Variants in IL15RA observed in about 807,000 individuals in gnomAD.
IL15RA encodes the protein interleukin-15 receptor subunit alpha.
IL15RA carries 26 observed loss-of-function variants against 24.2 expected under a neutral mutation model. That is an observed-to-expected ratio of 1.07 (90% CI 0.79 to 1.49). IL15RA has a LOEUF of 1.49. IL15RA is among the 40% of genes most tolerant of loss of function. IL15RA has a pLI of 0.00. For synonymous variants in IL15RA, 166 were observed against 157.6 expected (o/e 1.05, Z -0.40); for missense variants, 354 against 356.4 (o/e 0.99, Z 0.05).
chr10:5,972,676 CCATT>C (rs1475135868), intron 1 of IL15RA, among the ~76,000 whole-genome samples: 5 of 152,148 alleles, frequency 3.3e-5, no homozygotes, highest in African/African-American at 1.2e-4. Flanking sequence ...GACATCTTCC[CCATT>C]CAATGACAAC....
At position 5,955,760 on chromosome 10, in the gene IL15RA, C is replaced by T. The variant is rs1486286232; in HGVS notation, c.692+619G>A. Reference sequence around the variant, plus strand: ...AAGGCATACCCCTATTCAATGAGGACTTTCAAGAATATATTCATGAGGGTA... The same window carrying T: ...AAGGCATACCCCTATTCAATGAGGATTTTCAAGAATATATTCATGAGGGTA... On this transcript the variant is annotated intron_variant, in intron 6 of 6. Transcript: ENST00000379977. The surrounding 1 kb of genome is among the most constrained non-coding windows in gnomAD (Gnocchi z 5.3). Among the ~76,000 whole-genome samples the T allele has an allele frequency of 1.3e-5, 2 of 152,166 alleles. No individual in the cohort carries two copies. The highest frequency in any genetic ancestry group is 1.3e-4 in the Admixed American group (2 of 15,276).
Position 5,977,476 on chromosome 10 carries a change from G to C in IL15RA, c.17C>G (p.Ala6Gly). Residue 6 changes from alanine to glycine, a missense_variant, in exon 1 of 7, where the codon GCG becomes GGG. By Grantham distance (60) the Ala-to-Gly change is moderately conservative. Coordinates refer to ENST00000379977, the MANE Select transcript of IL15RA (RefSeq NM_002189.4). ...GAGACCGAGGGTCCGGCAGCCGCGC[G>C]CCCGCCGCGGGGCCATGGCGGCAGC... MAPRR[A>G]RGCRTLGLPA... The C allele has an allele frequency of 7.4e-7, 1 of 1,356,078 alleles. No homozygotes were observed. The highest frequency in any genetic ancestry group is 9.5e-7 in the Non-Finnish European group (1 of 1,056,202). The allele number at this position is 1,356,078 out of a possible 1,614,324, so 84.0% of individuals were successfully genotyped here.
rs920728721 is a variant in IL15RA at position 5,966,865 on chromosome 10, G to C, written c.89-526C>G. 2.6e-5 allele frequency among the ~76,000 whole-genome samples: 4 copies of C among 152,048 alleles called. No homozygotes were observed. The highest frequency in any genetic ancestry group is 5.9e-5 in the Non-Finnish European group (4 of 68,010). ...CAGGCGCCTGTAATCCCAGCTACTG[G>C]GGAGGCTGAGGCAGGAGAATTGCTT... On this transcript the variant is annotated intron_variant, in intron 1 of 6. Coordinates refer to ENST00000379977, the MANE Select transcript of IL15RA (RefSeq NM_002189.4). This position sits in a 1 kb window ranked among gnomAD's most constrained non-coding sequence, Gnocchi z 6.4.
chr10:5,974,062 C>T (rs1158823233), intron 1 of IL15RA, among the ~76,000 whole-genome samples: 14 of 151,984 alleles, frequency 9.2e-5, no homozygotes, highest in South Asian at 2.1e-4. Flanking sequence ...TGCAGTGGCG[C>T]GATCTCTGCT....
intron 1 of IL15RA, among the ~76,000 whole-genome samples, chr10:5,972,080 C>T (rs1015689033): frequency 9.9e-5 from 15 of 152,210 alleles, no homozygotes; most frequent in African/African-American, 3.4e-4. Flanking sequence ...CCCACCAGAA[C>T]GATTTCAAAA....
chr10:5,951,884 T>C (rs1443793057), downstream of IL15RA, among the ~76,000 whole-genome samples: 1 of 152,172 alleles, frequency 6.6e-6, no homozygotes, highest in Admixed American at 6.5e-5. Context: ...GTTCTTGAAC[T>C]CCTGGGCTCG....
In IL15RA at chr10:5,955,962, G is replaced by A. The variant is rs8177721; in HGVS notation, c.692+417C>T. Among the ~76,000 whole-genome samples the A allele has an allele frequency of 3.1e-4, 47 of 152,272 alleles. No individual in the cohort carries two copies. Among genetic ancestry groups the A allele is most frequent in the African/African-American group, 9.9e-4 (41 of 41,556 alleles). On this transcript the variant is annotated intron_variant, in intron 6 of 6. Transcript: ENST00000379977. The surrounding 1 kb of genome is among the most constrained non-coding windows in gnomAD (Gnocchi z 5.3). ...GGGGTGTGTGAGAGCCGATGGCCAG[G>A]AAAGGCGTCCTTCTTGGGAGGGGGC...
rs1028358415 is a variant in IL15RA at position 5,967,689 on chromosome 10, G to C, written c.89-1350C>G. 1.3e-5 allele frequency among the ~76,000 whole-genome samples: 2 copies of C among 152,196 alleles called. No individual in the cohort carries two copies. The highest frequency in any genetic ancestry group is 2.9e-5 in the Non-Finnish European group (2 of 68,030). On this transcript the variant is annotated intron_variant, in intron 1 of 6. Transcript: ENST00000379977. This position sits in a 1 kb window ranked among gnomAD's most constrained non-coding sequence, Gnocchi z 4.4. ...CAATGGACACAGCTCAGCTCTGTTG[G>C]AAGTGACAGGTGTTGTTTAGTTACA...
intron 5 of IL15RA, among the ~76,000 whole-genome samples, chr10:5,957,593 C>T (rs990446591): frequency 6.1e-5 from 8 of 131,606 alleles, no homozygotes; most frequent in Admixed American, 3.4e-4. Context: ...TTTTCTTCTT[C>T]TTTTTTTTTT....
In IL15RA at chr10:5,956,563, C is replaced by T; in HGVS notation, c.617-109G>A. The T allele has an allele frequency of 3.9e-6, 3 of 766,406 alleles. No individual in the cohort carries two copies. In the South Asian group the frequency reaches 4.5e-5, roughly 12 times the overall value. The allele number at this position is 766,406 out of a possible 1,614,324, so 47.5% of individuals were successfully genotyped here. On this transcript the variant is annotated intron_variant, in intron 5 of 6. Coordinates refer to ENST00000379977, the MANE Select transcript of IL15RA (RefSeq NM_002189.4). ...CAGAGGGATCCAAGTGCCTCCCAAC[C>T]AGCCTCCTGCTAAGGACATTTCTTA...
chr10:5,966,323 G>A lies in IL15RA; in HGVS notation c.105C>T (p.Pro35=), dbSNP rs1480393723. 10 of 1,608,740 alleles carry A rather than the reference G, an allele frequency of 6.2e-6. No homozygotes were observed. Among genetic ancestry groups the A allele is most frequent in the Middle Eastern group, 1.7e-4 (1 of 6,020 alleles). Residue 35 remains proline (P), a synonymous_variant, in exon 2 of 7, where the codon CCC becomes CCT. Transcript: ENST00000379977. This position sits in a 1 kb window ranked among gnomAD's most constrained non-coding sequence, Gnocchi z 6.4. ...PPATRGITCP[P]PMSVEHADIW... Reference sequence around the variant, plus strand: ...TGTCTGCGTGTTCCACGGACATGGGGGGAGGGCACGTGATGCCTGCGAAAG... The same window carrying A: ...TGTCTGCGTGTTCCACGGACATGGGAGGAGGGCACGTGATGCCTGCGAAAG...
Position 5,960,506 on chromosome 10 carries a change from C to T in IL15RA, c.444G>A (p.Pro148=), listed in dbSNP as rs780936797. 3.7e-5 allele frequency: 60 copies of T among 1,613,928 alleles called. No individual in the cohort carries two copies. The Middle Eastern group carries it at 1.6e-3, about 44-fold the overall frequency. The change falls in exon 4 of 7, where the codon CCG becomes CCA. Residue 148 remains proline, a synonymous_variant. Transcript: ENST00000379977. The surrounding 1 kb of genome is among the most constrained non-coding windows in gnomAD (Gnocchi z 5.1). The part of the protein sequence containing the change: ...NTAATTAAIV[P]GSQLMPSKSP... ...ATTTTGAAGGCATCAGCTGGGAGCC[C>T]GGGACAATAGCTGCTGTTGTGGCCG...
chr10:5,977,056 C>T (rs546150725), intron 1 of IL15RA: 1 of 219,352 alleles, frequency 4.6e-6, no homozygotes, highest in East Asian at 9.3e-5. Context: ...CGCACTCGCC[C>T]GTGTCTCCAA....
downstream of IL15RA, chr10:5,949,240 G>A (rs989143740): frequency 6.4e-6 from 3 of 471,286 alleles, no homozygotes; most frequent in South Asian, 4.6e-5. The surrounding 1 kb of genome is among the most constrained non-coding windows in gnomAD (Gnocchi z 4.4). Flanking sequence ...TTCTCTGTGA[G>A]CTGCAAGTCA....
In IL15RA at chr10:5,962,060, T is replaced by C. The variant is rs1208029200; in HGVS notation, c.383-1493A>G. ...TGACTGCACCATTGTGTCTCGACAA[T>C]GGCCATCGGACCAGGTATTGGGGAT... On this transcript the variant is annotated intron_variant, in intron 3 of 6. Coordinates refer to ENST00000379977, the MANE Select transcript of IL15RA (RefSeq NM_002189.4). The surrounding 1 kb of genome is among the most constrained non-coding windows in gnomAD (Gnocchi z 5.2). Among the ~76,000 whole-genome samples the C allele has an allele frequency of 6.6e-6, 1 of 152,164 alleles. No individual in the cohort carries two copies. The highest frequency in any genetic ancestry group is 1.5e-5 in the Non-Finnish European group (1 of 68,026).
At position 5,959,890 on chromosome 10, in the gene IL15RA, G is replaced by A. The variant is rs41290327; in HGVS notation, c.584-104C>T. ...GGCTTGGCTCCCATCTTAGCACCCT[G>A]GGAGACTCGTGGCTGGCGTAACCAG... On this transcript the variant is annotated intron_variant, in intron 4 of 6. Transcript: ENST00000379977. This position sits in a 1 kb window ranked among gnomAD's most constrained non-coding sequence, Gnocchi z 4.1. 0.014 allele frequency: 15,056 copies of A among 1,085,120 alleles called. 230 individuals are homozygous for A. Among genetic ancestry groups the A allele is most frequent in the African/African-American group, 0.057 (3,699 of 64,752 alleles). The allele number at this position is 1,085,120 out of a possible 1,614,324, so 67.2% of individuals were successfully genotyped here. A position where few individuals can be genotyped will look rare whatever the true frequency, so the allele number is the denominator to read the frequency against.
In IL15RA at chr10:5,965,001, G is replaced by A. The variant is rs185285262; in HGVS notation, c.283+1144C>T. ...AGGCTGAGCTACCACTACCAAGCCA[G>A]TGGCAATGTCCAGCGCCTCAAGGAG... On this transcript the variant is annotated intron_variant, in intron 2 of 6. Coordinates refer to ENST00000379977, the MANE Select transcript of IL15RA (RefSeq NM_002189.4). The surrounding 1 kb of genome is among the most constrained non-coding windows in gnomAD (Gnocchi z 5.8). Among the ~76,000 whole-genome samples the A allele has an allele frequency of 6.6e-6, 1 of 152,344 alleles. No individual in the cohort carries two copies. Among genetic ancestry groups the A allele is most frequent in the Admixed American group, 6.5e-5 (1 of 15,306 alleles).
At position 5,952,864 on chromosome 10, in the gene IL15RA, C is replaced by A; in HGVS notation, c.*231G>T. On this transcript the variant is annotated 3_prime_UTR_variant, in exon 7 of 7. Coordinates refer to ENST00000379977, the MANE Select transcript of IL15RA (RefSeq NM_002189.4). ...TTGGTCTCTCCTGGGAAGCTGGGCCCTGGGTCCAAGGCACGACAGGCAGGC... is the reference window on the plus strand; with the variant it reads ...TTGGTCTCTCCTGGGAAGCTGGGCCATGGGTCCAAGGCACGACAGGCAGGC... 1 of 594,982 alleles carries A rather than the reference C, an allele frequency of 1.7e-6. No individual in the cohort carries two copies. The highest frequency in any genetic ancestry group is 2.1e-5 in the South Asian group (1 of 48,154). 36.9% of individuals were successfully genotyped at this position (594,982 alleles called of 1,614,324 possible).
rs1295137113 is a variant in IL15RA at position 5,970,437 on chromosome 10, C to A, written c.89-4098G>T. 6.6e-6 allele frequency among the ~76,000 whole-genome samples: 1 copy of A among 152,172 alleles called. No homozygotes were observed. Among genetic ancestry groups the A allele is most frequent in the Non-Finnish European group, 1.5e-5 (1 of 68,024 alleles). On this transcript the variant is annotated intron_variant, in intron 1 of 6. Transcript: ENST00000379977. The surrounding 1 kb of genome is among the most constrained non-coding windows in gnomAD (Gnocchi z 4.1). The stretch of plus-strand genomic sequence containing the variant: ...AAGGCATTTGCACTATATTATTTAT[C>A]ATTTCTGGGTGTTTTTGTAGCAGGA...
Sources: gnomAD v4.1 joint callset for allele counts (sites outside exome capture counted in the v4.1 genomes callset) on GRCh38, gnomAD v4.1.1 for gene constraint, Gnocchi (gnomAD v3.1) non-coding constraint, MANE v1.5 for transcripts, NCBI Gene and HGNC (gene_info 2026-07-23, HGNC 2026-07-21) for gene names.